Variants in USP6NL observed in about 807,000 individuals in gnomAD.
The protein encoded by USP6NL is USP6 N-terminal like, also known as USP6 N-terminal-like protein.
Under a neutral mutation model 61.9 loss-of-function variants are expected in USP6NL, and 26 were observed. The observed-to-expected ratio is 0.42, with a 90% CI of 0.31 to 0.58. USP6NL has a LOEUF of 0.58. USP6NL is among the 20% of genes least tolerant of loss of function. The probability of loss-of-function intolerance (pLI) is 0.16; values close to 1 mark genes in which losing one functional copy is unlikely to be tolerated. For synonymous variants in USP6NL, 432 were observed against 390.1 expected, an observed-to-expected ratio of 1.11 and a Z score of -1.27; for missense variants, 1,114 against 1,034.3, an observed-to-expected ratio of 1.08 and a Z score of -1.06.
Position 11,562,488 on chromosome 10 carries a change from G to A in USP6NL, c.5-34921C>T. 1 of 985,400 alleles carries A rather than the reference G, an allele frequency of 1.0e-6. No homozygotes were observed. The allele number at this position is 985,400 out of a possible 1,614,324, so 61.0% of individuals were successfully genotyped here. A position where few individuals can be genotyped will look rare whatever the true frequency, so the allele number is the denominator to read the frequency against. On this transcript the variant is annotated intron_variant, in intron 2 of 14. Coordinates refer to ENST00000609104, the MANE Select transcript of USP6NL (RefSeq NM_014688.5). The surrounding 1 kb of genome is among the most constrained non-coding windows in gnomAD (Gnocchi z 4.8). ...CTGAGGACAAGGATTAAGTGTGGCT[G>A]AGGAGAAACGTGAAAAGAGCCGGGT...
In USP6NL at chr10:11,461,147, C is replaced by T. The variant is rs754741782; in HGVS notation, c.*1294G>A. On this transcript the variant is annotated 3_prime_UTR_variant, in exon 15 of 15. Transcript: ENST00000609104. ...TGAAAACAAGCTCCCCAATTAAACA[C>T]GAAGTCATACTCTCTTGGAGTGCCT... 2 of 152,540 alleles carry T rather than the reference C, an allele frequency of 1.3e-5. No individual in the cohort carries two copies. The highest frequency in any genetic ancestry group is 2.4e-5 in the African/African-American group (1 of 41,416). 9.4% of individuals were successfully genotyped at this position (152,540 alleles called of 1,614,324 possible).
chr10:11,594,269 T>G (rs1180819975), intron 2 of USP6NL, among the ~76,000 whole-genome samples: 1 of 152,014 alleles, frequency 6.6e-6, no homozygotes, highest in Non-Finnish European at 1.5e-5. Flanking sequence ...AATCATCAAA[T>G]GGACAAGAAA....
intron 14 of USP6NL, among the ~76,000 whole-genome samples, chr10:11,477,083 C>T (rs1171882219): frequency 1.3e-5 from 2 of 152,032 alleles, no homozygotes; most frequent in South Asian, 4.1e-4. Context: ...CGTTGGCCAG[C>T]CTGGTCTTGA....
At chr10:11,579,131 G>A (rs1837653877) in intron 2 of USP6NL, among the ~76,000 whole-genome samples, 1 of 152,204 alleles carries the variant, frequency 6.6e-6, no homozygotes, top group African/African-American at 2.4e-5. Context: ...CTATGTGCTA[G>A]GTAGGCACTG....
intron 14 of USP6NL, among the ~76,000 whole-genome samples, chr10:11,469,498 T>C (rs996451553): frequency 6.6e-6 from 1 of 152,216 alleles, no homozygotes; most frequent in Non-Finnish European, 1.5e-5. Context: ...AATCCATTCC[T>C]AAATGATAAC....
chr10:11,521,523 G>A (rs2133384510), intron 4 of USP6NL, among the ~76,000 whole-genome samples: 1 of 151,872 alleles, frequency 6.6e-6, no homozygotes, highest in East Asian at 1.9e-4. Context: ...TGGGATTATA[G>A]GAGCGCGCCA....
chr10:11,532,169 GTACTT>G lies in USP6NL; in HGVS notation c.5-4607_5-4603del, dbSNP rs1457592612. The G allele has an allele frequency of 3.2e-6, 5 of 1,568,618 alleles. No individual in the cohort carries two copies. Among genetic ancestry groups the G allele is most frequent in the Non-Finnish European group, 4.3e-6 (5 of 1,150,052 alleles). ...AATATAAACAACATCAATTTTAAAA[GTACTT>G]TACCCTTTGTGAGATAATCAGTCTG... On this transcript the variant is annotated intron_variant, in intron 2 of 14. Transcript: ENST00000609104. This position sits in a 1 kb window ranked among gnomAD's most constrained non-coding sequence, Gnocchi z 4.1.
intron 4 of USP6NL, among the ~76,000 whole-genome samples, chr10:11,521,104 G>A (rs1465637428): frequency 6.6e-6 from 1 of 151,950 alleles, no homozygotes; most frequent in Non-Finnish European, 1.5e-5. Context: ...TCAACAGCTA[G>A]GTGGAGTATT....
At position 11,577,144 on chromosome 10, in the gene USP6NL, G is replaced by A. The variant is rs1246756359; in HGVS notation, c.4+20487C>T. Among the ~76,000 whole-genome samples, 13 of 148,638 alleles carry A rather than the reference G, an allele frequency of 8.7e-5. No individual in the cohort carries two copies. In the South Asian group the frequency reaches 1.9e-3, roughly 22 times the overall value. Reference sequence around the variant, plus strand: ...GCGATCTCAGCTCACTGCAAGCTCCGTCTCCTGAGTTCATGCCATTCTCCT... The same window carrying A: ...GCGATCTCAGCTCACTGCAAGCTCCATCTCCTGAGTTCATGCCATTCTCCT... On this transcript the variant is annotated intron_variant, in intron 2 of 14. Coordinates refer to ENST00000609104, the MANE Select transcript of USP6NL (RefSeq NM_014688.5).
rs1833394870 is a variant in USP6NL, at chr10:11,484,990, G to T, written c.906C>A (p.Thr302=). 1 of 1,530,470 alleles carries T rather than the reference G, an allele frequency of 6.5e-7. No homozygotes were observed. 94.8% of individuals were successfully genotyped at this position (1,530,470 alleles called of 1,614,324 possible). A position where few individuals can be genotyped will look rare whatever the true frequency, so the allele number is the denominator to read the frequency against. ...GERVLTAMSY[T]ILKLHKKHLM... is the part of the protein sequence containing the mutation. ...TCTTACTTTTGTGTAATTTTAAGAT[G>T]GTGTAAGACATAGCAGTAAGAACTC... The change falls in exon 13 of 15, where the codon ACC becomes ACA. Residue 302 remains threonine (T), a synonymous_variant. Transcript: ENST00000609104.
Position 11,509,668 on chromosome 10 carries a change from T to C in USP6NL, c.203A>G (p.His68Arg). The change falls in exon 6 of 15, where the codon CAC becomes CGC. Residue 68 changes from histidine to arginine, a missense_variant. His to Arg is a conservative substitution (Grantham distance 29, BLOSUM62 0). Coordinates refer to ENST00000609104, the MANE Select transcript of USP6NL (RefSeq NM_014688.5). ...TTTGGTAGTTCTTTCAATTTCCAGG[T>C]GCTTTTGCTAAAATAAAATTGAAAT... ...DHNVAVERQK[H>R]LEIERTTKWL... The C allele has an allele frequency of 6.4e-7, 1 of 1,561,368 alleles. No individual in the cohort carries two copies. The highest frequency in any genetic ancestry group is 8.7e-7 in the Non-Finnish European group (1 of 1,151,864).
At chr10:11,586,631 T>G (rs114165193) in intron 2 of USP6NL, among the ~76,000 whole-genome samples, 1 of 152,142 alleles carries the variant, frequency 6.6e-6, no homozygotes, top group Non-Finnish European at 1.5e-5. Flanking sequence ...TTCTTTAACA[T>G]AGTGAGGTTA....
Position 11,573,902 on chromosome 10 carries a change from C to G in USP6NL, c.4+23729G>C. The G allele has an allele frequency of 1.1e-5, 4 of 371,556 alleles. No homozygotes were observed. In the East Asian group the frequency reaches 1.5e-4, roughly 14 times the overall value. 23.0% of individuals were successfully genotyped at this position (371,556 alleles called of 1,614,324 possible). ...TGAAATGATGGATTCAAAGTGATTT[C>G]AGCACGTGTGAAAGCCCCATCCTCA... On this transcript the variant is annotated intron_variant, in intron 2 of 14. Coordinates refer to ENST00000609104, the MANE Select transcript of USP6NL (RefSeq NM_014688.5).
At chr10:11,568,110 A>G (rs916419623) in intron 2 of USP6NL, among the ~76,000 whole-genome samples, 2 of 151,246 alleles carry the variant, frequency 1.3e-5, no homozygotes, top group Admixed American at 1.3e-4. Flanking sequence ...TTCTAAGACT[A>G]CTGTTACCTG....
rs974584179 is a variant in USP6NL at position 11,462,741 on chromosome 10, G to A, written c.2187C>T (p.Tyr729=). 1 of 1,614,002 alleles carries A rather than the reference G, an allele frequency of 6.2e-7. No homozygotes were observed. Among genetic ancestry groups the A allele is most frequent in the Non-Finnish European group, 8.5e-7 (1 of 1,179,894 alleles). Residue 729 remains tyrosine, a synonymous_variant, in exon 15 of 15, where the codon TAC becomes TAT. Transcript: ENST00000609104. ...CTGACCATGTTCTGTTATCTGGCAA[G>A]TAATCCACTGGTGGAATGATCAATT... ...NGKLIIPPVD[Y]LPDNRTWSEV...
At chr10:11,484,916 G>A (rs2133237780) in intron 13 of USP6NL, 55 bp downstream of exon 13, 8 of 1,365,652 alleles carry the variant, frequency 5.9e-6, no homozygotes, top group Non-Finnish European at 7.8e-6. Context: ...GAGAAATCAA[G>A]GTTAAATAAG....
chr10:11,469,756 G>T (rs1298687729), intron 14 of USP6NL, among the ~76,000 whole-genome samples: 1 of 152,220 alleles, frequency 6.6e-6, no homozygotes, highest in Non-Finnish European at 1.5e-5. Flanking sequence ...CAAGTGCCCA[G>T]ATCAGACTAC....
Position 11,481,091 on chromosome 10 carries a change from C to T in USP6NL, c.1078+679G>A, listed in dbSNP as rs184699793. ...CCCATTCACCCTCTGTTATCATTCT[C>T]GTATATTCTAGCTCTCCAGTGCACA... On this transcript the variant is annotated intron_variant, in intron 14 of 14. Transcript: ENST00000609104. The surrounding 1 kb of genome is among the most constrained non-coding windows in gnomAD (Gnocchi z 4.4). Among the ~76,000 whole-genome samples the T allele has an allele frequency of 4.9e-3, 743 of 152,240 alleles. 4 individuals carry two copies. The highest frequency in any genetic ancestry group is 0.017 in the African/African-American group (706 of 41,528).
chr10:11,565,339 C>T (rs1837096491), intron 2 of USP6NL: 1 of 152,154 alleles, frequency 6.6e-6, no homozygotes, highest in African/African-American at 2.4e-5. Context: ...AAATCAGCAT[C>T]CTTTAAGAAT....
Sources: allele counts gnomAD v4.1 joint callset (sites outside exome capture counted in the v4.1 genomes callset), GRCh38; gene constraint gnomAD v4.1.1; non-coding constraint Gnocchi (gnomAD v3.1); transcripts MANE v1.5; gene names NCBI Gene and HGNC (gene_info 2026-07-23, HGNC 2026-07-21).